Variants in ATM observed in about 807,000 individuals in gnomAD.
ATM encodes serine-protein kinase ATM.
ATM carries 308 observed loss-of-function variants against 387.0 expected under a neutral mutation model. The observed-to-expected ratio is 0.80, with a 90% CI of 0.73 to 0.87. ATM has a LOEUF of 0.87. ATM is among the 40% of genes least tolerant of loss of function. The probability of loss-of-function intolerance (pLI) is 0.00; values close to 1 mark genes in which losing one functional copy is unlikely to be tolerated. For missense variants in ATM, 3,312 were observed against 3,560.9 expected, an observed-to-expected ratio of 0.93 and a Z score of 1.78; for synonymous variants, 1,156 against 1,187.3, an observed-to-expected ratio of 0.97 and a Z score of 0.54.
intron 25 of ATM, among the ~76,000 whole-genome samples, chr11:108,283,728 C>G (rs576212425): frequency 6.6e-6 from 1 of 152,142 alleles, no homozygotes; most frequent in Non-Finnish European, 1.5e-5. Flanking sequence ...ACTCAAGTCA[C>G]CAAGTTGGCC....
At chr11:108,337,827 T>A (rs1051603214) in intron 56 of ATM, among the ~76,000 whole-genome samples, 1 of 152,238 alleles carries the variant, frequency 6.6e-6, no homozygotes, top group Non-Finnish European at 1.5e-5. Flanking sequence ...AGAATTGGGT[T>A]ACAAAAGTAT....
At chr11:108,251,374 A>G (rs2080140565) in intron 10 of ATM, among the ~76,000 whole-genome samples, 1 of 152,216 alleles carries the variant, frequency 6.6e-6, no homozygotes, top group African/African-American at 2.4e-5. Context: ...ACACACTCAT[A>G]TGACACACTC....
chr11:108,333,100 A>G (rs747476611), intron 53 of ATM, among the ~76,000 whole-genome samples, 200 bp downstream of exon 53: 4 of 152,184 alleles, frequency 2.6e-5, no homozygotes, highest in Non-Finnish European at 4.4e-5. Context: ...ATAGGTGACT[A>G]CACTAAATTA....
At chr11:108,314,115 G>T (rs1591766843) in intron 40 of ATM, among the ~76,000 whole-genome samples, 1 of 151,806 alleles carries the variant, frequency 6.6e-6, no homozygotes, top group South Asian at 2.1e-4. Context: ...CTAATGTACA[G>T]TTTTTTTGTT....
chr11:108,301,882 TA>T, intron 35 of ATM, 93 bp downstream of exon 35: 1 of 1,344,326 alleles, frequency 7.4e-7, no homozygotes. Context: ...CTTGAAATAG[TA>T]TTGTACTAAC....
chr11:108,284,780 A>C (rs1184511901), intron 26 of ATM, among the ~76,000 whole-genome samples: 1 of 152,228 alleles, frequency 6.6e-6, no homozygotes, highest in African/African-American at 2.4e-5. Flanking sequence ...ACTGGTTGTT[A>C]AAGTCAAGGA....
chr11:108,321,421 G>T lies in ATM; in HGVS notation c.6572+1G>T, dbSNP rs587779856. On this transcript the variant is annotated splice_donor_variant, in intron 45 of 62. Coordinates refer to ENST00000675843, the MANE Select transcript of ATM (RefSeq NM_000051.4). LOFTEE classifies it high-confidence loss of function. ...AAAGCATTGGGGAGCTTTTCTCAAG[G>T]TATGTAATTCGTATGACTTTGTTAT... The T allele has an allele frequency of 6.2e-7, 1 of 1,614,046 alleles. No individual in the cohort carries two copies. Among genetic ancestry groups the T allele is most frequent in the Non-Finnish European group, 8.5e-7 (1 of 1,179,962 alleles).
chr11:108,318,748 G>A (rs2084966461), intron 43 of ATM, among the ~76,000 whole-genome samples: 1 of 151,794 alleles, frequency 6.6e-6, no homozygotes, highest in East Asian at 1.9e-4. Context: ...CTGTATATAA[G>A]GTCACCATGT....
chr11:108,260,066 G>T (rs909429469), intron 16 of ATM, among the ~76,000 whole-genome samples: 95 of 109,912 alleles, frequency 8.6e-4, no homozygotes, highest in Non-Finnish European at 1.4e-3. Flanking sequence ...ACAAAGTCTT[G>T]CTCTGTTGCC....
chr11:108,289,976 C>T (rs1164053554), intron 29 of ATM, 175 bp downstream of exon 29: 2 of 583,906 alleles, frequency 3.4e-6, no homozygotes, highest in African/African-American at 1.9e-5. Context: ...TTCCTCCTCA[C>T]CCTGCCGGGT....
At chr11:108,327,158 T>C (rs148831302) in intron 47 of ATM, among the ~76,000 whole-genome samples, 1 of 152,264 alleles carries the variant, frequency 6.6e-6, no homozygotes, top group African/African-American at 2.4e-5. Context: ...TGGGCACTCA[T>C]TGTATAGCAT....
intron 14 of ATM, among the ~76,000 whole-genome samples, chr11:108,257,056 T>G (rs185627639): frequency 8.3e-4 from 126 of 152,360 alleles, no homozygotes; most frequent in Non-Finnish European, 2.9e-4. Context: ...CTGGGTCAAA[T>G]GGTATTTCTA....
intron 32 of ATM, 98 bp from the exon 33 acceptor site, chr11:108,297,189 A>G: frequency 9.7e-7 from 1 of 1,034,494 alleles, no homozygotes; most frequent in African/African-American, 1.6e-5. Flanking sequence ...TAAACTTTAT[A>G]GAAGTTTTCT....
chr11:108,354,785 C>G (rs373681524), intron 60 of ATM, 26 bp from the exon 61 acceptor site: 1 of 1,598,498 alleles, frequency 6.3e-7, no homozygotes, highest in Admixed American at 1.7e-5. Flanking sequence ...TAACAAAATC[C>G]GTATTTATAA....
intron 60 of ATM, 55 bp from the exon 61 acceptor site, chr11:108,354,756 C>A (rs664982): frequency 7.0e-7 from 1 of 1,420,050 alleles, no homozygotes; most frequent in Non-Finnish European, 1.0e-6. Flanking sequence ...GATAAAGATA[C>A]GTTGACAACA....
chr11:108,249,138 T>G (rs2080005653), intron 9 of ATM, 36 bp downstream of exon 9: 7 of 1,609,154 alleles, frequency 4.4e-6, no homozygotes, highest in Non-Finnish European at 5.9e-6. Flanking sequence ...AGTGTCATTT[T>G]AATCTCTTGT....
At chr11:108,331,356 G>A in intron 50 of ATM, 88 bp from the exon 51 acceptor site, 1 of 1,519,792 alleles carries the variant, frequency 6.6e-7, no homozygotes, top group South Asian at 1.3e-5. Context: ...TAATAGAGGA[G>A]CACTGTCTTA....
chr11:108,315,401 AG>A (rs1332169960), intron 40 of ATM, among the ~76,000 whole-genome samples: 1 of 152,224 alleles, frequency 6.6e-6, no homozygotes, highest in Non-Finnish European at 1.5e-5. Flanking sequence ...TCTTTGTAAT[AG>A]ATTTGTGTAT....
At chr11:108,350,475 C>T (rs1437902754) in intron 59 of ATM, among the ~76,000 whole-genome samples, 1 of 152,202 alleles carries the variant, frequency 6.6e-6, no homozygotes, top group African/African-American at 2.4e-5. Context: ...TTAGCAGACT[C>T]ATTTCTGGAG....
Sources: allele counts gnomAD v4.1 joint callset (sites outside exome capture counted in the v4.1 genomes callset), GRCh38; gene constraint gnomAD v4.1.1; transcripts MANE v1.5; gene names NCBI Gene and HGNC (gene_info 2026-07-23, HGNC 2026-07-21).